LMBR1: variants seen among roughly 807,000 people sequenced by gnomAD.
LMBR1 encodes the protein limb region 1 protein homolog.
In LMBR1, 52 loss-of-function variants were observed where a neutral mutation model predicts 73.9. The ratio of observed to expected loss-of-function variants is 0.70; its 90% CI spans 0.56 to 0.89. The LOEUF (loss-of-function observed/expected upper bound fraction) is 0.89, where lower values mean the gene tolerates loss of function less well. Ranked by LOEUF, LMBR1 falls within the 40% of genes least tolerant of loss-of-function variation. The pLI is 0.00. For synonymous variants in LMBR1, 215 were observed against 209.4 expected (o/e 1.03, Z -0.23); for missense variants, 539 against 579.8 (o/e 0.93, Z 0.72).
chr7:156,836,892 C>G lies in LMBR1; in HGVS notation c.67-7G>C. On this transcript the variant is annotated splice_region_variant and splice_polypyrimidine_tract_variant and intron_variant, in intron 1 of 16. Coordinates refer to ENST00000353442, the MANE Select transcript of LMBR1 (RefSeq NM_022458.4). ...CAAAAAGAAGGAAACATATCTGAAA[C>G]AAAACGAAGTTAACAGATCATTTAC... 2.6e-6 allele frequency: 4 copies of G among 1,548,690 alleles called. No individual in the cohort carries two copies. Among genetic ancestry groups the G allele is most frequent in the Non-Finnish European group, 3.5e-6 (4 of 1,138,012 alleles).
At chr7:156,803,919 C>T (rs1048736082) in intron 4 of LMBR1, among the ~76,000 whole-genome samples, 1 of 145,998 alleles carries the variant, frequency 6.8e-6, no homozygotes, top group Non-Finnish European at 1.5e-5. Flanking sequence ...CGCATGTTCT[C>T]ACTCATAGGT....
At chr7:156,810,178 G>A (rs1429893434) in intron 4 of LMBR1, among the ~76,000 whole-genome samples, 3 of 152,170 alleles carry the variant, frequency 2.0e-5, no homozygotes, top group African/African-American at 4.8e-5. Context: ...CATTCGTGGC[G>A]AAAGGCGAAG....
chr7:156,795,157 T>G (rs1409334916), intron 5 of LMBR1, among the ~76,000 whole-genome samples: 4 of 152,138 alleles, frequency 2.6e-5, no homozygotes, highest in African/African-American at 9.7e-5. Flanking sequence ...TGCCACACTC[T>G]AGCAAACCCC....
At chr7:156,746,624 C>T (rs530716681) in intron 9 of LMBR1, among the ~76,000 whole-genome samples, 1 of 152,240 alleles carries the variant, frequency 6.6e-6, no homozygotes, top group African/African-American at 2.4e-5. Context: ...TTGTTGTCCT[C>T]AAATAAATCA....
Position 156,892,772 on chromosome 7 carries a change from A to G in LMBR1, c.66+156T>C, listed in dbSNP as rs1586527000. On this transcript the variant is annotated intron_variant, in intron 1 of 16. Coordinates refer to ENST00000353442, the MANE Select transcript of LMBR1 (RefSeq NM_022458.4). The stretch of plus-strand genomic sequence containing the variant: ...TGGGGAGGGAAGGGGAGGGGAGGGG[A>G]GAGGAGGGGTGGGGAGGGAGAGCGG... Among the ~76,000 whole-genome samples the G allele has an allele frequency of 4.8e-5, 3 of 61,856 alleles. 1 individual carries two copies. The highest frequency in any genetic ancestry group is 1.3e-3 in the East Asian group (2 of 1,496). The allele number at this position is 61,856 out of a possible 152,430, so 40.6% of individuals were successfully genotyped here.
rs535284148 is a variant in LMBR1 at position 156,685,649 on chromosome 7, C to T, written c.1388-1486G>A. ...GCCGCCACGCCACTGCTGGCAGAAA[C>T]GGTTCAGCTCCATGATCATCTGCTG... On this transcript the variant is annotated intron_variant, in intron 16 of 16. Transcript: ENST00000353442. This position sits in a 1 kb window ranked among gnomAD's most constrained non-coding sequence, Gnocchi z 4.1. Among the ~76,000 whole-genome samples the T allele has an allele frequency of 1.8e-4, 27 of 152,334 alleles. No homozygotes were observed. Among genetic ancestry groups the T allele is most frequent in the African/African-American group, 6.3e-4 (26 of 41,578 alleles).
intron 1 of LMBR1, among the ~76,000 whole-genome samples, chr7:156,880,439 A>T (rs1800911142): frequency 6.6e-6 from 1 of 152,108 alleles, no homozygotes; most frequent in South Asian, 2.1e-4. Flanking sequence ...CTCACAAGTC[A>T]CCACTAAAGA....
chr7:156,882,290 A>G (rs1463248866), intron 1 of LMBR1, among the ~76,000 whole-genome samples: 2 of 152,150 alleles, frequency 1.3e-5, no homozygotes, highest in East Asian at 3.9e-4. Context: ...AAAAATAAAC[A>G]AAAAATTAGC....
chr7:156,796,939 G>A (rs563663617), intron 4 of LMBR1, among the ~76,000 whole-genome samples: 175 of 152,282 alleles, frequency 1.1e-3, no homozygotes, highest in African/African-American at 4.1e-3. Flanking sequence ...GAGCCCTTAT[G>A]TGCCAAGCAC....
chr7:156,786,903 TAATA>T (rs770658790), intron 5 of LMBR1, among the ~76,000 whole-genome samples: 1 of 152,182 alleles, frequency 6.6e-6, no homozygotes, highest in East Asian at 1.9e-4. Context: ...AAAATTTACC[TAATA>T]TATATTTGAT....
intron 5 of LMBR1, among the ~76,000 whole-genome samples, chr7:156,766,130 C>T (rs1403404546): frequency 1.3e-5 from 2 of 152,072 alleles, no homozygotes; most frequent in Non-Finnish European, 2.9e-5. Flanking sequence ...ACAATCTCCA[C>T]GGCGCTCTCA....
At chr7:156,833,463 A>G (rs1389768948) in intron 3 of LMBR1, 2 of 358,872 alleles carry the variant, frequency 5.6e-6, no homozygotes, top group Non-Finnish European at 1.0e-5. Context: ...CAGACTGTTC[A>G]AACAGCCAAG....
At chr7:156,849,011 A>G (rs1208927527) in intron 1 of LMBR1, among the ~76,000 whole-genome samples, 1 of 152,022 alleles carries the variant, frequency 6.6e-6, no homozygotes, top group Non-Finnish European at 1.5e-5. Flanking sequence ...TTGGCTACAG[A>G]CCCGAAGGAA....
At chr7:156,675,933 G>A (rs1008692938), downstream of LMBR1, 7 of 1,494,398 alleles carry the variant, frequency 4.7e-6, no homozygotes, top group Admixed American at 5.1e-5. Context: ...GGAGTGGCAT[G>A]TGGGGGGAGG....
At chr7:156,690,488 C>T (rs915404404) in intron 15 of LMBR1, among the ~76,000 whole-genome samples, 1 of 152,160 alleles carries the variant, frequency 6.6e-6, no homozygotes, top group African/African-American at 2.4e-5. Context: ...AAGCTGAATG[C>T]ATCATCACGG....
chr7:156,791,081 G>T (rs1829143723), intron 5 of LMBR1, among the ~76,000 whole-genome samples: 1 of 152,128 alleles, frequency 6.6e-6, no homozygotes, highest in South Asian at 2.1e-4. Context: ...TTTCTTGAAG[G>T]TGTTGGGAAA....
chr7:156,693,242 A>G (rs1161584445), intron 15 of LMBR1, among the ~76,000 whole-genome samples: 1 of 151,250 alleles, frequency 6.6e-6, no homozygotes, highest in East Asian at 1.9e-4. Context: ...AAGTATAATA[A>G]TCTCAAAGAA....
At chr7:156,740,307 G>C (rs1818663482) in intron 9 of LMBR1, among the ~76,000 whole-genome samples, 1 of 152,186 alleles carries the variant, frequency 6.6e-6, no homozygotes, top group Non-Finnish European at 1.5e-5. Flanking sequence ...AGAGGAGGCA[G>C]AGAAAGAGAG....
intron 1 of LMBR1, among the ~76,000 whole-genome samples, chr7:156,858,072 CA>C (rs764584626): frequency 0.026 from 1,574 of 59,686 alleles, 20 homozygotes; most frequent in African/African-American, 0.065. Flanking sequence ...CCAAAGTAAG[CA>C]AAAAAAAAAA....
Sources: allele counts gnomAD v4.1 joint callset (sites outside exome capture counted in the v4.1 genomes callset), GRCh38; gene constraint gnomAD v4.1.1; non-coding constraint Gnocchi (gnomAD v3.1); transcripts MANE v1.5; gene names NCBI Gene and HGNC (gene_info 2026-07-23, HGNC 2026-07-21).